Variants in GFRAL observed in about 807,000 individuals in gnomAD.
GFRAL encodes the protein GDNF family receptor alpha-like.
A neutral mutation model predicts 45.4 loss-of-function variants in GFRAL; 36 were observed. That is an observed-to-expected ratio of 0.79 (90% CI 0.61 to 1.05). The LOEUF is 1.05. GFRAL is among the 50% of genes least tolerant of loss of function. GFRAL has a pLI of 0.00. For missense variants in GFRAL, 507 were observed against 467.5 expected, an observed-to-expected ratio of 1.08 and a Z score of -0.78; for synonymous variants, 166 against 154.1, an observed-to-expected ratio of 1.08 and a Z score of -0.57.
intron 2 of GFRAL, 85 bp from the exon 3 acceptor site, chr6:55,333,701 T>G (rs1365778645): frequency 1.3e-6 from 1 of 757,264 alleles, no homozygotes; most frequent in East Asian, 2.9e-5. Flanking sequence ...ATTATTCAGG[T>G]TAATATGTTA....
At chr6:55,394,956 T>A (rs1768802210) in intron 6 of GFRAL, among the ~76,000 whole-genome samples, 1 of 151,652 alleles carries the variant, frequency 6.6e-6, no homozygotes, top group Admixed American at 6.6e-5. Flanking sequence ...CAAAAAGAAA[T>A]CCCATATTTT....
intron 3 of GFRAL, among the ~76,000 whole-genome samples, chr6:55,344,865 G>A (rs149893424): frequency 0.068 from 10,308 of 152,142 alleles, 513 homozygotes; most frequent in Non-Finnish European, 0.11. Context: ...AAATCAATGT[G>A]CAAAAATCAC....
chr6:55,366,222 T>C (rs1470185390), intron 6 of GFRAL, among the ~76,000 whole-genome samples: 3 of 152,016 alleles, frequency 2.0e-5, no homozygotes, highest in Admixed American at 1.3e-4. Flanking sequence ...TCTAGTTTAT[T>C]TGTGTAGAGG....
chr6:55,328,424 T>G (rs544123348), intron 1 of GFRAL, among the ~76,000 whole-genome samples: 1 of 152,048 alleles, frequency 6.6e-6, no homozygotes, highest in Non-Finnish European at 1.5e-5. Flanking sequence ...CAAAGAAGTT[T>G]ACTTTAAATT....
intron 6 of GFRAL, among the ~76,000 whole-genome samples, chr6:55,364,227 A>G (rs1351149991): frequency 6.6e-6 from 1 of 151,256 alleles, no homozygotes; most frequent in East Asian, 1.9e-4. Context: ...TTGGCTGCAT[A>G]AATGTCTTCT....
chr6:55,369,707 G>T (rs955404034), intron 6 of GFRAL, among the ~76,000 whole-genome samples: 11 of 151,266 alleles, frequency 7.3e-5, no homozygotes, highest in South Asian at 6.2e-4. Flanking sequence ...AAAAAAAACA[G>T]TTTGTTTCTG....
intron 6 of GFRAL, among the ~76,000 whole-genome samples, chr6:55,395,162 G>GAAAAAAAAA (rs869161118): frequency 2.4e-5 from 3 of 125,194 alleles, no homozygotes; most frequent in African/African-American, 3.3e-5. Flanking sequence ...TCAGCCTATG[G>GAAAAAAAAA]AAAAAAAAAA....
At chr6:55,394,466 C>G (rs1007800338) in intron 6 of GFRAL, among the ~76,000 whole-genome samples, 12 of 152,098 alleles carry the variant, frequency 7.9e-5, no homozygotes, top group African/African-American at 2.9e-4. Context: ...TAGGCCTTAG[C>G]TGATCTTGAA....
intron 6 of GFRAL, among the ~76,000 whole-genome samples, chr6:55,390,935 A>ACACACACACAC (rs764218405): frequency 9.4e-4 from 76 of 81,136 alleles, no homozygotes; most frequent in South Asian, 2.3e-3. Flanking sequence ...CACACACACA[A>ACACACACACAC]GTAGTGGTCT....
chr6:55,401,533 G>T (rs1768895650), intron 8 of GFRAL, among the ~76,000 whole-genome samples: 2 of 152,120 alleles, frequency 1.3e-5, no homozygotes, highest in African/African-American at 4.8e-5. Flanking sequence ...AAAGAAGTTT[G>T]CAGAGAAACA....
At chr6:55,370,985 C>T (rs1181274579) in intron 6 of GFRAL, among the ~76,000 whole-genome samples, 1 of 152,192 alleles carries the variant, frequency 6.6e-6, no homozygotes, top group Non-Finnish European at 1.5e-5. Flanking sequence ...TGATGCTGGG[C>T]CCTGCCCAAC....
chr6:55,366,472 C>A (rs1768365733), intron 6 of GFRAL, among the ~76,000 whole-genome samples: 1 of 144,628 alleles, frequency 6.9e-6, no homozygotes, highest in East Asian at 2.0e-4. Flanking sequence ...TTATTTCTTG[C>A]CTTCTGCTAG....
rs146730296 is a variant in GFRAL at position 55,341,109 on chromosome 6, C to T, written c.316+7165C>T. ...TCCACCTCTGTGGGCAGGGCATAGC[C>T]GAACAAAAGACAGCAGAAACCTCTG... On this transcript the variant is annotated intron_variant, in intron 3 of 8. Coordinates refer to ENST00000340465, the MANE Select transcript of GFRAL (RefSeq NM_207410.2). Among the ~76,000 whole-genome samples the T allele has an allele frequency of 1.5e-3, 223 of 152,302 alleles. 1 individual carries two copies. The highest frequency in any genetic ancestry group is 2.1e-3 in the Non-Finnish European group (142 of 68,026).
chr6:55,330,856 C>T (rs773799269), intron 1 of GFRAL, among the ~76,000 whole-genome samples: 30 of 152,098 alleles, frequency 2.0e-4, no homozygotes, highest in Non-Finnish European at 3.8e-4. Flanking sequence ...TAAACAAATG[C>T]TCAAAGTGAA....
At chr6:55,360,048 T>G (rs1409556435) in intron 6 of GFRAL, among the ~76,000 whole-genome samples, 1 of 152,054 alleles carries the variant, frequency 6.6e-6, no homozygotes, top group Non-Finnish European at 1.5e-5. Context: ...TCCGAAGTTA[T>G]TGTTTAATTT....
intron 3 of GFRAL, among the ~76,000 whole-genome samples, chr6:55,339,957 T>A (rs918424128): frequency 2.0e-5 from 3 of 152,186 alleles, no homozygotes; most frequent in African/African-American, 7.2e-5. Flanking sequence ...AATGCTGTTA[T>A]GTGGAAATAT....
chr6:55,390,800 A>G (rs1206309736), intron 6 of GFRAL, among the ~76,000 whole-genome samples: 24 of 151,986 alleles, frequency 1.6e-4, no homozygotes, highest in Admixed American at 1.6e-3. Context: ...AGGCAGGAGA[A>G]TCACTTGAAC....
intron 1 of GFRAL, 105 bp downstream of exon 1, chr6:55,327,681 T>G: frequency 2.9e-6 from 3 of 1,022,546 alleles, no homozygotes; most frequent in Non-Finnish European, 4.4e-6. Flanking sequence ...TAATATGAAG[T>G]ACCAAGTAAA....
rs183288770 is a variant in GFRAL at position 55,390,863 on chromosome 6, C to T, written c.953-8317C>T. 6.1e-3 allele frequency among the ~76,000 whole-genome samples: 914 copies of T among 149,234 alleles called. 9 individuals carry two copies. The highest frequency in any genetic ancestry group is 0.019 in the African/African-American group (747 of 40,240). ...AGATCGCGCCATTGCACTCCAGCCT[C>T]GGCGACAGAGCGAGACTCCATCTCA... On this transcript the variant is annotated intron_variant, in intron 6 of 8. Transcript: ENST00000340465.
Sources: allele counts gnomAD v4.1 joint callset (sites outside exome capture counted in the v4.1 genomes callset), GRCh38; gene constraint gnomAD v4.1.1; transcripts MANE v1.5; gene names NCBI Gene and HGNC (gene_info 2026-07-23, HGNC 2026-07-21).